SOX6: variants seen among roughly 807,000 people sequenced by gnomAD.
The protein encoded by SOX6 is SRY-box transcription factor 6, also known as transcription factor SOX-6.
SOX6 carries 11 observed loss-of-function variants against 97.8 expected under a neutral mutation model. The observed-to-expected ratio is 0.11, with a 90% confidence interval of 0.07 to 0.19. The LOEUF (loss-of-function observed/expected upper bound fraction) is 0.19. Ranked by LOEUF, SOX6 falls within the 10% of genes least tolerant of loss-of-function variation. The pLI, the probability that SOX6 is intolerant of heterozygous loss-of-function variation, is 1.00. For synonymous variants in SOX6, 360 were observed against 371.4 expected, an observed-to-expected ratio of 0.97 and a Z score of 0.35; for missense variants, 810 against 1,039.5, an observed-to-expected ratio of 0.78 and a Z score of 3.04.
chr11:16,042,593 G>T (rs992941182), intron 12 of SOX6, among the ~76,000 whole-genome samples: 5 of 152,124 alleles, frequency 3.3e-5, no homozygotes, highest in Non-Finnish European at 7.4e-5. Flanking sequence ...TTTAATTTCT[G>T]TCCTGCTACA....
intron 3 of SOX6, among the ~76,000 whole-genome samples, chr11:16,689,425 T>C (rs1847995532): frequency 6.6e-6 from 1 of 152,164 alleles, no homozygotes; most frequent in African/African-American, 2.4e-5. Flanking sequence ...TCTTGTTTAT[T>C]TCCAGAATTT....
intron 10 of SOX6, among the ~76,000 whole-genome samples, chr11:16,051,473 A>C (rs1199064487): frequency 6.6e-6 from 1 of 152,144 alleles, no homozygotes; most frequent in Non-Finnish European, 1.5e-5. Context: ...TCATAGGGAA[A>C]AGGCAATTTG....
At chr11:16,437,557 A>G (rs2133082424) in intron 1 of SOX6, among the ~76,000 whole-genome samples, 1 of 152,354 alleles carries the variant, frequency 6.6e-6, no homozygotes, top group South Asian at 2.1e-4. Context: ...TTAAATACTA[A>G]GTAGTTTAGT....
chr11:16,297,495 C>G (rs1855131111), intron 3 of SOX6, among the ~76,000 whole-genome samples: 1 of 152,108 alleles, frequency 6.6e-6, no homozygotes, highest in African/African-American at 2.4e-5. Flanking sequence ...GAAAAAAAAT[C>G]TATTTAATGT....
intron 1 of SOX6, among the ~76,000 whole-genome samples, chr11:16,369,185 C>T (rs532183672): frequency 7.8e-4 from 118 of 152,246 alleles, no homozygotes; most frequent in Admixed American, 2.0e-3. Flanking sequence ...GATACCACTT[C>T]ATGTCCATTA....
chr11:16,320,139 T>C (rs563175639), intron 2 of SOX6, among the ~76,000 whole-genome samples: 1 of 152,278 alleles, frequency 6.6e-6, no homozygotes, highest in South Asian at 2.1e-4. Context: ...CAGCCTTGCA[T>C]TCACCTTTTA....
chr11:16,695,594 T>A (rs1848047315), intron 3 of SOX6, among the ~76,000 whole-genome samples: 1 of 152,204 alleles, frequency 6.6e-6, no homozygotes, highest in Non-Finnish European at 1.5e-5. Context: ...AGAGACAGAC[T>A]TAGCCCCTTC....
chr11:16,596,595 T>C (rs1848215133), intron 4 of SOX6, among the ~76,000 whole-genome samples: 1 of 152,210 alleles, frequency 6.6e-6, no homozygotes. Flanking sequence ...TTCCCTGACA[T>C]AGGTACTTCT....
intron 3 of SOX6, among the ~76,000 whole-genome samples, chr11:16,249,606 T>C (rs1853448535): frequency 1.3e-5 from 2 of 152,198 alleles, no homozygotes; most frequent in South Asian, 4.1e-4. Flanking sequence ...TTGGGTATCT[T>C]TGTAGCAGCA....
intron 4 of SOX6, among the ~76,000 whole-genome samples, chr11:16,509,128 T>C (rs1860836688): frequency 6.6e-6 from 1 of 151,962 alleles, no homozygotes; most frequent in Non-Finnish European, 1.5e-5. Flanking sequence ...TCTATACCTT[T>C]TGTACCTTTA....
At chr11:16,584,415 T>C (rs149064861) in intron 4 of SOX6, among the ~76,000 whole-genome samples, 40 of 152,276 alleles carry the variant, frequency 2.6e-4, no homozygotes, top group African/African-American at 9.6e-4. Flanking sequence ...TCCAGTATCA[T>C]CATCTTGACA....
At chr11:16,140,671 A>G (rs1307400246) in intron 6 of SOX6, among the ~76,000 whole-genome samples, 2 of 152,220 alleles carry the variant, frequency 1.3e-5, no homozygotes, top group Non-Finnish European at 2.9e-5. Flanking sequence ...TACATGACTA[A>G]TTAAACCTAA....
At chr11:16,736,561 C>T (rs1848392553) in intron 1 of SOX6, 1 of 152,178 alleles carries the variant, frequency 6.6e-6, no homozygotes, top group Admixed American at 6.5e-5. Context: ...ATAGTAACTA[C>T]TATTCTTATT....
chr11:16,423,248 T>G (rs185565182), intron 1 of SOX6, among the ~76,000 whole-genome samples: 1 of 152,318 alleles, frequency 6.6e-6, no homozygotes, highest in Admixed American at 6.5e-5. Context: ...TGGGAGCTCT[T>G]CTTCCAGTAC....
intron 15 of SOX6, among the ~76,000 whole-genome samples, chr11:15,983,566 C>T (rs932380472): frequency 2.6e-5 from 4 of 151,998 alleles, no homozygotes; most frequent in African/African-American, 9.7e-5. Flanking sequence ...CTTGTAATAA[C>T]CTCATATGTA....
chr11:16,536,039 A>G (rs1041834730), intron 4 of SOX6, among the ~76,000 whole-genome samples: 2 of 152,316 alleles, frequency 1.3e-5, no homozygotes, highest in Non-Finnish European at 2.9e-5. Flanking sequence ...GGACATTGTT[A>G]TTTTACAGAT....
chr11:15,997,892 CCAATATGGTGAAACCCTG>C (rs1348624122), intron 13 of SOX6, among the ~76,000 whole-genome samples: 11 of 151,958 alleles, frequency 7.2e-5, no homozygotes, highest in African/African-American at 2.7e-4. Flanking sequence ...ACCAGCCTGA[CCAATATGGTGAAACCCTG>C]CTCTACTAAA....
chr11:16,439,409 C>G (rs2133084249), intron 1 of SOX6, among the ~76,000 whole-genome samples: 1 of 152,238 alleles, frequency 6.6e-6, no homozygotes, highest in East Asian at 1.9e-4. Context: ...CAACTGCTCA[C>G]TAAAACAAAG....
At chr11:16,382,551 C>G (rs1164532596) in intron 1 of SOX6, among the ~76,000 whole-genome samples, 1 of 151,958 alleles carries the variant, frequency 6.6e-6, no homozygotes, top group Non-Finnish European at 1.5e-5. Context: ...AAGTTCAACA[C>G]TCAATTCAGC....
Sources: gnomAD v4.1 joint callset for allele counts (sites outside exome capture counted in the v4.1 genomes callset) on GRCh38, gnomAD v4.1.1 for gene constraint, MANE v1.5 for transcripts, NCBI Gene and HGNC (gene_info 2026-07-23, HGNC 2026-07-21) for gene names.